The following LRTM3 variants were observed in gnomAD, a reference collection of about 807,000 sequenced individuals.
LRTM3 encodes the protein leucine rich repeat transmembrane protein 3.
chr13:102,744,776 C>T, the LRTM3 span: 5 of 1,550,560 alleles, frequency 3.2e-6, no homozygotes, highest in Non-Finnish European at 3.5e-6. Context: ...CATTGCATTA[C>T]TAGATCCACT....
chr13:102,743,962 A>G, the LRTM3 span: 11 of 1,550,432 alleles, frequency 7.1e-6, no homozygotes, highest in Non-Finnish European at 9.6e-6. Flanking sequence ...CTGTAATATG[A>G]CCATCCAGAT....
the LRTM3 span, chr13:102,758,871 A>T: frequency 6.5e-7 from 1 of 1,550,378 alleles, no homozygotes; most frequent in Non-Finnish European, 8.7e-7. Flanking sequence ...TAATGTCATG[A>T]ATGTATTATC....
chr13:102,756,311 GAA>G, the LRTM3 span, among the ~76,000 whole-genome samples: 14,802 of 136,720 alleles, frequency 0.11, 796 homozygotes, highest in South Asian at 0.17. Flanking sequence ...TCCTTAGTTC[GAA>G]AAAAAAAAAA....
the LRTM3 span, chr13:102,742,613 A>G: frequency 6.4e-7 from 1 of 1,550,522 alleles, no homozygotes; most frequent in Non-Finnish European, 8.7e-7. Context: ...CTGGGCTTTA[A>G]AGTTCTGTTT....
At chr13:102,748,859 TTTTC>T in the LRTM3 span, 5 of 1,550,490 alleles carry the variant, frequency 3.2e-6, no homozygotes, top group South Asian at 4.8e-5. Flanking sequence ...TAGTCTTTTG[TTTTC>T]TTTGTCATAC....
chr13:102,743,140 A>AT, the LRTM3 span: 1 of 1,550,520 alleles, frequency 6.4e-7, no homozygotes, highest in Non-Finnish European at 8.7e-7. Flanking sequence ...TTTCTGTAAG[A>AT]TGTTCTTGCT....
chr13:102,736,899 A>G, the LRTM3 span: 2 of 1,551,130 alleles, frequency 1.3e-6, no homozygotes, highest in Non-Finnish European at 8.7e-7. Context: ...TCCATGTGCC[A>G]TGAGGGTGGA....
chr13:102,731,156 T>C, the LRTM3 span: 2 of 1,551,420 alleles, frequency 1.3e-6, no homozygotes, highest in Admixed American at 2.0e-5. Flanking sequence ...ATTAATACTC[T>C]GTAGCTTTGT....
the LRTM3 span, chr13:102,733,892 A>G: frequency 6.4e-7 from 1 of 1,551,276 alleles, no homozygotes; most frequent in Non-Finnish European, 8.7e-7. Context: ...AACGCCTTCA[A>G]CTGAGTCTCT....
the LRTM3 span, chr13:102,737,402 A>C: frequency 6.4e-7 from 1 of 1,550,922 alleles, no homozygotes; most frequent in Non-Finnish European, 8.7e-7. Context: ...AGGCAAATGT[A>C]GGAAGAGAAC....
chr13:102,744,332 G>C, the LRTM3 span: 2 of 1,549,666 alleles, frequency 1.3e-6, no homozygotes, highest in Non-Finnish European at 1.7e-6. Context: ...TTTTAAGACT[G>C]TTTGTAAGTT....
the LRTM3 span, among the ~76,000 whole-genome samples, chr13:102,750,712 C>G: frequency 6.6e-6 from 1 of 152,074 alleles, no homozygotes; most frequent in South Asian, 2.1e-4. Flanking sequence ...TTTCTGTTCT[C>G]TATATGAAAG....
chr13:102,730,686 G>C, the LRTM3 span: 1 of 1,551,964 alleles, frequency 6.4e-7, no homozygotes, highest in Non-Finnish European at 8.7e-7. Context: ...TGTTCTAACA[G>C]TTCTGTATCA....
At chr13:102,731,525 A>G in the LRTM3 span, 16 of 1,551,304 alleles carry the variant, frequency 1.0e-5, no homozygotes, top group East Asian at 9.8e-5. Flanking sequence ...TGCTGTTGAT[A>G]TTGTATCTGG....
chr13:102,757,802 A>T, the LRTM3 span, among the ~76,000 whole-genome samples: 2 of 152,218 alleles, frequency 1.3e-5, no homozygotes, highest in Non-Finnish European at 2.9e-5. Flanking sequence ...GTATGTATAC[A>T]TCTTCTCCAC....
chr13:102,734,081 T>A, the LRTM3 span: 3 of 1,551,504 alleles, frequency 1.9e-6, no homozygotes. Flanking sequence ...TTTATCTTTG[T>A]GTACTTTTTT....
chr13:102,742,204 G>A, the LRTM3 span: 3 of 1,550,544 alleles, frequency 1.9e-6, no homozygotes, highest in Non-Finnish European at 1.7e-6. Context: ...GCTGCTGGAT[G>A]TTACCTCTCA....
chr13:102,740,697 C>T, the LRTM3 span: 21 of 1,548,004 alleles, frequency 1.4e-5, no homozygotes, highest in Non-Finnish European at 1.8e-5. Context: ...TGAAATAGAT[C>T]TGTTTTGGAG....
chr13:102,758,981 A>G, the LRTM3 span: 1 of 1,146,838 alleles, frequency 8.7e-7, no homozygotes. Flanking sequence ...GAAGTCCTTG[A>G]TTTCAGAGGC....
Sources: allele counts gnomAD v4.1 joint callset (sites outside exome capture counted in the v4.1 genomes callset), GRCh38; gene constraint gnomAD v4.1.1; transcripts MANE v1.5; gene names NCBI Gene and HGNC (gene_info 2026-07-23, HGNC 2026-07-21).